HEMK2: variants seen among roughly 807,000 people sequenced by gnomAD.
The protein encoded by HEMK2 is methyltransferase HEMK2.
At chr21:28,670,730 G>A in the HEMK2 span, among the ~76,000 whole-genome samples, 1 of 152,204 alleles carries the variant, frequency 6.6e-6, no homozygotes, top group Non-Finnish European at 1.5e-5. Context: ...ACATGGCTGG[G>A]GAGGCCTCAG....
chr21:28,829,182 G>T, the HEMK2 span, among the ~76,000 whole-genome samples: 3 of 152,152 alleles, frequency 2.0e-5, no homozygotes, highest in African/African-American at 2.4e-5. Context: ...TGCTTCTTTA[G>T]AACAAGTGAA....
chr21:28,788,523 G>A, the HEMK2 span, among the ~76,000 whole-genome samples: 1 of 151,948 alleles, frequency 6.6e-6, no homozygotes, highest in Non-Finnish European at 1.5e-5. Context: ...GAGGATTTGA[G>A]GGAAAAATCG....
the HEMK2 span, among the ~76,000 whole-genome samples, chr21:28,672,678 G>T: frequency 6.6e-6 from 1 of 152,120 alleles, no homozygotes; most frequent in African/African-American, 2.4e-5. Context: ...ATGGTTTAAG[G>T]TGGTGCTGTA....
the HEMK2 span, among the ~76,000 whole-genome samples, chr21:28,802,050 A>T: frequency 2.0e-5 from 3 of 152,218 alleles, no homozygotes; most frequent in African/African-American, 7.2e-5. Context: ...TATATACATG[A>T]GCAAAATGAT....
the HEMK2 span, among the ~76,000 whole-genome samples, chr21:28,598,746 C>T: frequency 6.6e-6 from 1 of 152,176 alleles, no homozygotes; most frequent in African/African-American, 2.4e-5. Context: ...TTCCCCAACT[C>T]CAAGTCAAAA....
the HEMK2 span, among the ~76,000 whole-genome samples, chr21:28,877,047 G>A: frequency 0.15 from 9,200 of 62,112 alleles, 982 homozygotes; most frequent in South Asian, 0.21. Flanking sequence ...AGGGAGGGAG[G>A]GAGGGAGGGA....
At chr21:28,741,335 A>G in the HEMK2 span, among the ~76,000 whole-genome samples, 34,764 of 152,154 alleles carry the variant, frequency 0.23, 4,603 homozygotes, top group African/African-American at 0.35. Flanking sequence ...AAAAGGCAGG[A>G]GAGAGAAAAT....
the HEMK2 span, among the ~76,000 whole-genome samples, chr21:28,705,035 C>A: frequency 2.0e-5 from 3 of 152,166 alleles, no homozygotes; most frequent in African/African-American, 4.8e-5. Context: ...TCCCTCTAGG[C>A]ATCTTTGGCT....
At chr21:28,733,838 A>C in the HEMK2 span, among the ~76,000 whole-genome samples, 1 of 151,896 alleles carries the variant, frequency 6.6e-6, no homozygotes, top group African/African-American at 2.4e-5. Flanking sequence ...TTAACTCGTC[A>C]CTGTTTAGTC....
the HEMK2 span, among the ~76,000 whole-genome samples, chr21:28,818,983 G>C: frequency 6.6e-6 from 1 of 152,112 alleles, no homozygotes; most frequent in Non-Finnish European, 1.5e-5. Context: ...TTGCTGTTTT[G>C]TTTTCAATGT....
the HEMK2 span, among the ~76,000 whole-genome samples, chr21:28,618,848 TAAAC>T: frequency 9.8e-5 from 15 of 152,328 alleles, no homozygotes; most frequent in Middle Eastern, 3.4e-3. Flanking sequence ...TATGTAATAA[TAAAC>T]TAACTTTTGA....
chr21:28,748,931 T>C, the HEMK2 span, among the ~76,000 whole-genome samples: 10 of 152,116 alleles, frequency 6.6e-5, no homozygotes, highest in Non-Finnish European at 4.4e-5. Flanking sequence ...CAAATTGATC[T>C]AGATTCTTGA....
chr21:28,785,055 CT>C, the HEMK2 span, among the ~76,000 whole-genome samples: 1 of 152,116 alleles, frequency 6.6e-6, no homozygotes, highest in East Asian at 1.9e-4. Flanking sequence ...GATGCGCTGC[CT>C]TAAGAGCTGT....
the HEMK2 span, among the ~76,000 whole-genome samples, chr21:28,880,503 G>A: frequency 9.2e-5 from 14 of 152,038 alleles, no homozygotes; most frequent in South Asian, 2.1e-4. Flanking sequence ...AGGCCGAGGC[G>A]GGCGGATCAT....
the HEMK2 span, among the ~76,000 whole-genome samples, chr21:28,750,067 T>C: frequency 3.3e-5 from 5 of 152,314 alleles, no homozygotes; most frequent in African/African-American, 9.6e-5. Context: ...TTAGGACTAA[T>C]AGCTGAGTAA....
At chr21:28,855,273 A>G in the HEMK2 span, among the ~76,000 whole-genome samples, 1 of 152,226 alleles carries the variant, frequency 6.6e-6, no homozygotes, top group Non-Finnish European at 1.5e-5. Context: ...GGAAAGAATT[A>G]CATAAGGGTA....
chr21:28,831,638 A>AGAAGGAAAGAAGGAAG, the HEMK2 span, among the ~76,000 whole-genome samples: 2 of 33,122 alleles, frequency 6.0e-5, no homozygotes, highest in Non-Finnish European at 1.1e-4. Context: ...AAGGAAGGAA[A>AGAAGGAAAGAAGGAAG]GAAAGAAAGA....
the HEMK2 span, among the ~76,000 whole-genome samples, chr21:28,586,771 C>T: frequency 6.6e-6 from 1 of 152,160 alleles, no homozygotes; most frequent in Non-Finnish European, 1.5e-5. Context: ...CTGGTAGAGT[C>T]CATGCCTGGT....
chr21:28,697,388 G>C, the HEMK2 span, among the ~76,000 whole-genome samples: 1 of 152,080 alleles, frequency 6.6e-6, no homozygotes, highest in Non-Finnish European at 1.5e-5. Context: ...TTCCCAACAG[G>C]TTCCTCATCT....
Sources: gnomAD v4.1 joint callset for allele counts (sites outside exome capture counted in the v4.1 genomes callset) on GRCh38, gnomAD v4.1.1 for gene constraint, MANE v1.5 for transcripts, NCBI Gene and HGNC (gene_info 2026-07-23, HGNC 2026-07-21) for gene names.